Variants in TNFRSF13B observed in about 807,000 individuals in gnomAD.
The protein encoded by TNFRSF13B is tumor necrosis factor receptor superfamily member 13B.
A neutral mutation model predicts 24.0 loss-of-function variants in TNFRSF13B; 34 were observed. The ratio of observed to expected loss-of-function variants is 1.41; its 90% CI spans 1.08 to 1.88. The LOEUF is 1.88. Among genes scored for constraint, TNFRSF13B ranks in the 40% most tolerant of loss-of-function variants. The pLI is 0.00. For missense variants in TNFRSF13B, 415 were observed against 380.8 expected, an observed-to-expected ratio of 1.09 and a Z score of -0.75; for synonymous variants, 173 against 150.3, an observed-to-expected ratio of 1.15 and a Z score of -1.10.
At chr17:16,954,818 C>G (rs2087613910) in intron 1 of TNFRSF13B, among the ~76,000 whole-genome samples, 1 of 152,230 alleles carries the variant, frequency 6.6e-6, no homozygotes, top group South Asian at 2.1e-4. Flanking sequence ...CCCACCCAGG[C>G]ATAAGAGTGG....
At chr17:16,955,145 A>T (rs73980240) in intron 1 of TNFRSF13B, among the ~76,000 whole-genome samples, 7,611 of 152,254 alleles carry the variant, frequency 0.05, 480 homozygotes, top group African/African-American at 0.15. Context: ...AGTGAGCCCA[A>T]CTGCTTACCC....
Position 16,939,883 on chromosome 17 carries a change from C to T in TNFRSF13B, c.632-86G>A, listed in dbSNP as rs56936345. ...CGGTGTGGGCAGCCGCACTCTCCCC[C>T]GACCCAGGAGCTAAGGGCAATCACC... is the stretch of plus-strand genomic sequence containing the variant. On this transcript the variant is annotated intron_variant, in intron 4 of 4. Coordinates refer to ENST00000261652, the MANE Select transcript of TNFRSF13B (RefSeq NM_012452.3). 8,308 of 1,460,758 alleles carry T rather than the reference C, an allele frequency of 5.7e-3. 432 individuals carry two copies. The Admixed American group carries it at 0.098, about 17-fold the overall frequency. 90.5% of individuals were successfully genotyped at this position (1,460,758 alleles called of 1,614,324 possible).
rs73980236 is a variant in TNFRSF13B at position 16,940,070 on chromosome 17, G to T, written c.631+256C>A. On this transcript the variant is annotated intron_variant, in intron 4 of 4. Coordinates refer to ENST00000261652, the MANE Select transcript of TNFRSF13B (RefSeq NM_012452.3). ...CCTCCTCCTGGGCTTAGCCCTGAAGGCTCTGCATCTGGAGAATCCTGGGCC... is the reference window on the plus strand; with the variant it reads ...CCTCCTCCTGGGCTTAGCCCTGAAGTCTCTGCATCTGGAGAATCCTGGGCC... 2,865 of 1,080,320 alleles carry T rather than the reference G, an allele frequency of 2.7e-3. 62 individuals are homozygous for T. In the African/African-American group the frequency reaches 0.041, roughly 16 times the overall value. The allele number at this position is 1,080,320 out of a possible 1,614,324, so 66.9% of individuals were successfully genotyped here.
At chr17:16,945,233 C>T (rs1430567824) in intron 3 of TNFRSF13B, among the ~76,000 whole-genome samples, 1 of 152,368 alleles carries the variant, frequency 6.6e-6, no homozygotes, top group Non-Finnish European at 1.5e-5. Flanking sequence ...CCAATGCTCA[C>T]AGCCTTGGGC....
Position 16,939,758 on chromosome 17 carries a change from G to C in TNFRSF13B, c.671C>G (p.Pro224Arg), listed in dbSNP as rs1287283292. 6.2e-7 allele frequency: 1 copy of C among 1,611,338 alleles called. No individual in the cohort carries two copies. The highest frequency in any genetic ancestry group is 2.2e-5 in the East Asian group (1 of 44,848). Residue 224 changes from proline (P) to arginine (R), a missense_variant, in exon 5 of 5, where the codon CCC becomes CGC. Physicochemically the swap from Pro to Arg is moderately radical, Grantham distance 103 (BLOSUM62 -2). Transcript: ENST00000261652. The part of the protein sequence containing the change: ...MEAGSPVSTS[P>R]EPVETCSFCF... ...GAAGCTGCAGGTCTCCACTGGCTCG[G>C]GGGATGTGCTCACAGGGCTGCCGGC...
intron 2 of TNFRSF13B, among the ~76,000 whole-genome samples, chr17:16,950,092 A>G (rs1046612009): frequency 6.6e-5 from 10 of 152,190 alleles, no homozygotes; most frequent in Non-Finnish European, 1.3e-4. Context: ...CTTCGTAAAT[A>G]TGAATAAATA....
chr17:16,944,546 C>T (rs531453139), intron 3 of TNFRSF13B, among the ~76,000 whole-genome samples: 5 of 152,282 alleles, frequency 3.3e-5, no homozygotes, highest in Admixed American at 6.5e-5. Context: ...GACTCCTCCT[C>T]GGGGAAGCCT....
In TNFRSF13B at chr17:16,967,750, T is replaced by TTAAAA. The variant is rs1567657162; in HGVS notation, c.61+4264_61+4265insTTTTA. 8.1e-3 allele frequency among the ~76,000 whole-genome samples: 156 copies of TTAAAA among 19,368 alleles called. 8 individuals carry two copies. Among genetic ancestry groups the TTAAAA allele is most frequent in the African/African-American group, 0.041 (152 of 3,740 alleles). 12.7% of individuals were successfully genotyped at this position (19,368 alleles called of 152,430 possible). ...CTGGGCGACAGAGTGAGACTCCGTCTCAAAAAAAAAAAAAAAAAAAAAGAA... is the reference window on the plus strand; with the variant it reads ...CTGGGCGACAGAGTGAGACTCCGTCTTAAAACAAAAAAAAAAAAAAAAAAAAAGAA... On this transcript the variant is annotated intron_variant, in intron 1 of 4. Coordinates refer to ENST00000261652, the MANE Select transcript of TNFRSF13B (RefSeq NM_012452.3).
chr17:16,950,257 G>A (rs1404397335), intron 2 of TNFRSF13B, among the ~76,000 whole-genome samples: 2 of 152,122 alleles, frequency 1.3e-5, no homozygotes, highest in African/African-American at 4.8e-5. Context: ...CAGGCAGTGT[G>A]GTCTTAGCCT....
intron 1 of TNFRSF13B, among the ~76,000 whole-genome samples, chr17:16,968,159 A>AAAAAAG (rs2087718997): frequency 2.7e-5 from 4 of 150,434 alleles, no homozygotes; most frequent in African/African-American, 9.9e-5. Context: ...AAAAAAAAGA[A>AAAAAAG]AAAAGAAAGG....
chr17:16,953,492 A>T (rs2143664126), intron 1 of TNFRSF13B, among the ~76,000 whole-genome samples: 1 of 152,272 alleles, frequency 6.6e-6, no homozygotes, highest in East Asian at 1.9e-4. Flanking sequence ...GGGTCCCCCG[A>T]CACCCAATGC....
At chr17:16,966,163 AGAATCTCTCGAACCCAGTTGG>A (rs1481702721) in intron 1 of TNFRSF13B, among the ~76,000 whole-genome samples, 1 of 151,940 alleles carries the variant, frequency 6.6e-6, no homozygotes, top group Non-Finnish European at 1.5e-5. Context: ...CTGAGGCAGG[AGAATCTCTCGAACCCAGTTGG>A]GGGAAGTTGC....
At chr17:16,966,058 A>G (rs781588447) in intron 1 of TNFRSF13B, among the ~76,000 whole-genome samples, 11 of 152,118 alleles carry the variant, frequency 7.2e-5, no homozygotes, top group Non-Finnish European at 1.5e-4. Context: ...GTTCGAGATC[A>G]GTTTGACCAA....
intron 4 of TNFRSF13B, chr17:16,940,117 A>G (rs1301978799): frequency 7.5e-7 from 1 of 1,339,414 alleles, no homozygotes; most frequent in African/African-American, 1.5e-5. Flanking sequence ...GAAGACCGGC[A>G]CCCCACACCC....
intron 4 of TNFRSF13B, 55 bp downstream of exon 4, chr17:16,940,271 G>C: frequency 6.2e-7 from 1 of 1,611,694 alleles, no homozygotes. Context: ...GGGATGGCCC[G>C]AGGCTTGTCA....
At chr17:16,957,935 CTAAA>C (rs905792835) in intron 1 of TNFRSF13B, among the ~76,000 whole-genome samples, 13 of 152,054 alleles carry the variant, frequency 8.5e-5, no homozygotes, top group African/African-American at 2.9e-4. Flanking sequence ...ATAAAGGTAA[CTAAA>C]TAAGTAACTA....
At chr17:16,959,217 T>C (rs1418572608) in intron 1 of TNFRSF13B, among the ~76,000 whole-genome samples, 1 of 152,016 alleles carries the variant, frequency 6.6e-6, no homozygotes, top group Non-Finnish European at 1.5e-5. Flanking sequence ...CAACACGCTC[T>C]TCAACAACAA....
chr17:16,946,136 A>G (rs1230480383), intron 3 of TNFRSF13B, among the ~76,000 whole-genome samples: 1 of 152,252 alleles, frequency 6.6e-6, no homozygotes, highest in African/African-American at 2.4e-5. Context: ...GCTAACTGAC[A>G]GGAGAGCAGG....
At chr17:16,959,873 AT>A (rs1380511370) in intron 1 of TNFRSF13B, among the ~76,000 whole-genome samples, 2 of 152,144 alleles carry the variant, frequency 1.3e-5, no homozygotes, top group Admixed American at 1.3e-4. Context: ...TTACTAGTGA[AT>A]TCTACCAAAA....
Sources: allele counts gnomAD v4.1 joint callset (sites outside exome capture counted in the v4.1 genomes callset), GRCh38; gene constraint gnomAD v4.1.1; transcripts MANE v1.5; gene names NCBI Gene and HGNC (gene_info 2026-07-23, HGNC 2026-07-21).